The following UNC45A variants were observed in gnomAD, a reference collection of about 807,000 sequenced individuals.
The protein encoded by UNC45A is protein unc-45 homolog A.
A neutral mutation model predicts 103.2 loss-of-function variants in UNC45A; 78 were observed. The ratio of observed to expected loss-of-function variants is 0.76; its 90% CI spans 0.63 to 0.91. The LOEUF is 0.91. Ranked by LOEUF, UNC45A falls within the 40% of genes least tolerant of loss-of-function variation. UNC45A has a pLI of 0.00. For missense variants in UNC45A, 1,193 were observed against 1,224.8 expected (o/e 0.97, Z 0.39); for synonymous variants, 495 against 504.6 (o/e 0.98, Z 0.25).
chr15:90,953,825 G>GC lies in UNC45A; in HGVS notation c.*112dup. 1 of 1,452,336 alleles carries GC rather than the reference G, an allele frequency of 6.9e-7. No homozygotes were observed. Among genetic ancestry groups the GC allele is most frequent in the Non-Finnish European group, 9.3e-7 (1 of 1,078,094 alleles). The allele number at this position is 1,452,336 out of a possible 1,614,324, so 90.0% of individuals were successfully genotyped here. ...GGTGGCTGGCATGCCCAATACTCTT[G>GC]CCCATCCTCGCTTGCTGCCCTAGGA... On this transcript the variant is annotated 3_prime_UTR_variant, in exon 20 of 20. Transcript: ENST00000418476.
chr15:90,943,781 C>T (rs149000722), intron 8 of UNC45A, among the ~76,000 whole-genome samples: 32 of 151,878 alleles, frequency 2.1e-4, no homozygotes, highest in African/African-American at 3.4e-4. Context: ...CTCCGTTTCC[C>T]GGGTTCAAGC....
At chr15:90,931,564 AAAG>A, upstream of UNC45A, 1 of 1,614,204 alleles carries the variant, frequency 6.2e-7, no homozygotes, top group Non-Finnish European at 8.5e-7. Context: ...TTACTGTATG[AAAG>A]AAGATCAAAG....
rs1596217224 is a variant in UNC45A, at chr15:90,940,287, T to C, written c.520-19T>C. On this transcript the variant is annotated intron_variant, in intron 5 of 19. Coordinates refer to ENST00000418476, the MANE Select transcript of UNC45A (RefSeq NM_018671.5). ...GCCGTGTGCAGTGTCAACATTATAA[T>C]GTGCTTCCTTTGACGCAGGCTTCTC... 1.2e-6 allele frequency: 2 copies of C among 1,606,992 alleles called. No individual in the cohort carries two copies. The highest frequency in any genetic ancestry group is 1.7e-6 in the Non-Finnish European group (2 of 1,175,860).
upstream of UNC45A, chr15:90,932,466 CT>C: frequency 7.6e-7 from 1 of 1,323,288 alleles, no homozygotes; most frequent in South Asian, 2.2e-5. Flanking sequence ...CCTCGGGGTC[CT>C]TCCGCCGCTG....
chr15:90,949,891 C>A lies in UNC45A; in HGVS notation c.2073+171C>A, dbSNP rs1315210797. 8.1e-6 allele frequency: 6 copies of A among 736,666 alleles called. No individual in the cohort carries two copies. In the Admixed American group the frequency reaches 1.5e-4, roughly 18 times the overall value. 45.6% of individuals were successfully genotyped at this position (736,666 alleles called of 1,614,324 possible). Reference sequence around the variant, plus strand: ...ACGCGGAAGCAGGCAAGCTCCTTGGCCCCTCCACACTGGTGCCTGTGAAGG... The same window carrying A: ...ACGCGGAAGCAGGCAAGCTCCTTGGACCCTCCACACTGGTGCCTGTGAAGG... On this transcript the variant is annotated intron_variant, in intron 15 of 19. Transcript: ENST00000418476.
At chr15:90,949,790 C>T in intron 15 of UNC45A, 70 bp downstream of exon 15, 1 of 1,458,316 alleles carries the variant, frequency 6.9e-7, no homozygotes, top group Non-Finnish European at 9.6e-7. Context: ...CAGCAGCTGC[C>T]ACGCCAGAGC....
chr15:90,932,447 A>T, upstream of UNC45A: 1 of 1,359,074 alleles, frequency 7.4e-7, no homozygotes, highest in South Asian at 1.9e-5. Flanking sequence ...TGGTTGATGT[A>T]GGGGGTCCCC....
Position 90,953,447 on chromosome 15 carries a change from T to G in UNC45A, c.2578-12T>G, listed in dbSNP as rs1396750326. 3.1e-6 allele frequency: 5 copies of G among 1,612,836 alleles called. No homozygotes were observed. The highest frequency in any genetic ancestry group is 4.2e-6 in the Non-Finnish European group (5 of 1,179,864). Reference sequence around the variant, plus strand: ...TTGCCCAGGGGTCATATCTACCCTGTTTTTCTCACAGACCACACACTGGCT... The same window carrying G: ...TTGCCCAGGGGTCATATCTACCCTGGTTTTCTCACAGACCACACACTGGCT... On this transcript the variant is annotated splice_polypyrimidine_tract_variant and intron_variant, in intron 19 of 19. Transcript: ENST00000418476.
Position 90,947,887 on chromosome 15 carries a change from G to C in UNC45A, c.1592G>C (p.Arg531Pro). The C allele has an allele frequency of 1.9e-6, 3 of 1,613,150 alleles. No homozygotes were observed. The highest frequency in any genetic ancestry group is 2.5e-6 in the Non-Finnish European group (3 of 1,179,564). The change falls in exon 11 of 20, where the codon CGA becomes CCA. Residue 531 changes from arginine to proline, a missense_variant. Coordinates refer to ENST00000418476, the MANE Select transcript of UNC45A (RefSeq NM_018671.5). ...GSTLKLAKQC[R>P]KWLCNDQIDA... Reference sequence around the variant, plus strand: ...ACTCTCAAACTGGCTAAGCAGTGTCGAAAGTGAGTCATCTGGCCTTGCTGT... The same window carrying C: ...ACTCTCAAACTGGCTAAGCAGTGTCCAAAGTGAGTCATCTGGCCTTGCTGT...
At position 90,949,639 on chromosome 15, in the gene UNC45A, G is replaced by A. The variant is rs150156713; in HGVS notation, c.2007-15G>A. 614 of 1,613,868 alleles carry A rather than the reference G, an allele frequency of 3.8e-4. 3 individuals carry two copies. In the African/African-American group the frequency reaches 5.9e-3, roughly 16 times the overall value. ...GTCCCAGAGCTGCCTGCCCACCACC[G>A]CCTTCTCCCCACAGGGTCTTCTTGG... On this transcript the variant is annotated splice_polypyrimidine_tract_variant and intron_variant, in intron 14 of 19. Transcript: ENST00000418476.
chr15:90,942,676 C>G, intron 7 of UNC45A, 71 bp downstream of exon 7: 1 of 1,605,880 alleles, frequency 6.2e-7, no homozygotes, highest in Non-Finnish European at 8.5e-7. Context: ...GCCAGCCAGG[C>G]CAGTTTTTTG....
chr15:90,942,153 G>A (rs1436861622), intron 6 of UNC45A, among the ~76,000 whole-genome samples: 1 of 152,068 alleles, frequency 6.6e-6, no homozygotes, highest in Non-Finnish European at 1.5e-5. Flanking sequence ...GGAGGCATGA[G>A]CTAAGGCAGC....
intron 14 of UNC45A, 30 bp downstream of exon 14, chr15:90,949,473 T>C: frequency 3.1e-6 from 5 of 1,611,704 alleles, no homozygotes; most frequent in Non-Finnish European, 3.4e-6. Flanking sequence ...AGCCAACCTT[T>C]CCCAACTCCT....
At position 90,954,091 on chromosome 15, in the gene UNC45A, C is replaced by T. The variant is rs1388182737; in HGVS notation, c.*375C>T. On this transcript the variant is annotated 3_prime_UTR_variant, in exon 20 of 20. Coordinates refer to ENST00000418476, the MANE Select transcript of UNC45A (RefSeq NM_018671.5). ...CCCTCCAATAAAAGTGTGTAGAACT[C>T]CACTGTGTGCCCTGTCCTTGGGCAG... is the stretch of plus-strand genomic sequence containing the variant. The T allele has an allele frequency of 1.1e-5, 3 of 283,634 alleles. No individual in the cohort carries two copies. Among genetic ancestry groups the T allele is most frequent in the Non-Finnish European group, 2.1e-5 (3 of 144,326 alleles). 17.6% of individuals were successfully genotyped at this position (283,634 alleles called of 1,614,324 possible).
At chr15:90,948,568 G>GA (rs1395147436) in intron 12 of UNC45A, 86 bp from the exon 13 acceptor site, 9 of 1,556,444 alleles carry the variant, frequency 5.8e-6, no homozygotes, top group Non-Finnish European at 7.9e-6. Context: ...GCTGAGGGTG[G>GA]AATTGGGGGC....
chr15:90,939,299 G>C (rs1180279611), intron 4 of UNC45A, among the ~76,000 whole-genome samples: 1 of 152,204 alleles, frequency 6.6e-6, no homozygotes, highest in Non-Finnish European at 1.5e-5. Flanking sequence ...TTTTAAAACA[G>C]TGAAAAGAGA....
chr15:90,932,825 C>T (rs11073959), upstream of UNC45A: 103,828 of 350,706 alleles, frequency 0.3, 16,411 homozygotes, highest in East Asian at 0.54. Context: ...AAGAGGAAGA[C>T]AGACAAGAAA....
At chr15:90,951,022 CT>C (rs2036879065) in intron 17 of UNC45A, among the ~76,000 whole-genome samples, 2 of 149,816 alleles carry the variant, frequency 1.3e-5, no homozygotes, top group Admixed American at 6.6e-5. Flanking sequence ...TTTTTTTTTT[CT>C]TTGAGACGGA....
chr15:90,934,893 C>A (rs2035923385), upstream of UNC45A: 1 of 446,014 alleles, frequency 2.2e-6, no homozygotes, highest in Non-Finnish European at 3.9e-6. Context: ...CAGAGCGCAG[C>A]AGCGAGAGCG....
Sources: gnomAD v4.1 joint callset for allele counts (sites outside exome capture counted in the v4.1 genomes callset) on GRCh38, gnomAD v4.1.1 for gene constraint, MANE v1.5 for transcripts, NCBI Gene and HGNC (gene_info 2026-07-23, HGNC 2026-07-21) for gene names.